Variants in SYT1 observed in about 807,000 individuals in gnomAD.
SYT1 encodes the protein synaptotagmin 1.
A neutral mutation model predicts 44.8 loss-of-function variants in SYT1; 8 were observed. The observed-to-expected ratio is 0.18, with a 90% CI of 0.10 to 0.32. SYT1 has a LOEUF of 0.32. SYT1 is among the 10% of genes least tolerant of loss of function. The pLI, the probability that SYT1 is intolerant of heterozygous loss-of-function variation, is 1.00. For missense variants in SYT1, 286 were observed against 509.3 expected, an observed-to-expected ratio of 0.56 and a Z score of 4.22; for synonymous variants, 154 against 188.8, an observed-to-expected ratio of 0.82 and a Z score of 1.51.
At chr12:79,116,227 T>C (rs1047041929) in intron 3 of SYT1, among the ~76,000 whole-genome samples, 2 of 152,334 alleles carry the variant, frequency 1.3e-5, no homozygotes, top group African/African-American at 4.8e-5. Context: ...TTGTAGTTAC[T>C]ATGGCTGATA....
intron 1 of SYT1, among the ~76,000 whole-genome samples, chr12:78,923,701 C>CTCTG (rs1401881156): frequency 7.1e-6 from 1 of 141,206 alleles, no homozygotes; most frequent in African/African-American, 2.6e-5. Flanking sequence ...TTCTCTCTCT[C>CTCTG]TCTCTCTCTG....
intron 1 of SYT1, among the ~76,000 whole-genome samples, chr12:78,921,171 A>AT (rs968450883): frequency 2.0e-5 from 3 of 152,066 alleles, no homozygotes; most frequent in Middle Eastern, 6.8e-3. Context: ...TACCACTTTA[A>AT]TTTTTTTAAT....
chr12:78,879,420 C>T (rs1211443936), intron 1 of SYT1, among the ~76,000 whole-genome samples: 2 of 151,758 alleles, frequency 1.3e-5, no homozygotes, highest in Non-Finnish European at 2.9e-5. Flanking sequence ...AGTGCAACCA[C>T]CTACATGGCA....
intron 3 of SYT1, among the ~76,000 whole-genome samples, chr12:79,124,669 A>T (rs761963775): frequency 2.0e-5 from 3 of 151,960 alleles, no homozygotes; most frequent in Non-Finnish European, 4.4e-5. Context: ...ACATTCTTAG[A>T]TTCTTTGGGA....
intron 4 of SYT1, among the ~76,000 whole-genome samples, chr12:79,250,802 T>C (rs1183764173): frequency 2.0e-5 from 3 of 152,194 alleles, no homozygotes; most frequent in African/African-American, 7.2e-5. Context: ...TCCACAAAGC[T>C]GGACACCAAA....
At chr12:79,317,535 AG>A (rs1225095360) in intron 8 of SYT1, among the ~76,000 whole-genome samples, 1 of 152,152 alleles carries the variant, frequency 6.6e-6, no homozygotes, top group Non-Finnish European at 1.5e-5. Context: ...GGCTTGAAAA[AG>A]AGCAGGACAT....
At chr12:79,259,114 T>C (rs1645814912) in intron 4 of SYT1, among the ~76,000 whole-genome samples, 1 of 152,182 alleles carries the variant, frequency 6.6e-6, no homozygotes, top group South Asian at 2.1e-4. Context: ...AACTAGGAAA[T>C]GTTTAGCATA....
intron 2 of SYT1, among the ~76,000 whole-genome samples, chr12:79,012,276 G>A (rs1460260110): frequency 6.6e-6 from 1 of 152,128 alleles, no homozygotes; most frequent in Non-Finnish European, 1.5e-5. Flanking sequence ...GCTGGTTGAG[G>A]AGTAGACAGA....
chr12:79,083,675 A>G (rs1877188868), intron 3 of SYT1, among the ~76,000 whole-genome samples: 1 of 152,208 alleles, frequency 6.6e-6, no homozygotes, highest in African/African-American at 2.4e-5. Flanking sequence ...AGCATTACAT[A>G]TATTGTTTAT....
At chr12:79,383,922 G>C (rs17005530) in intron 9 of SYT1, among the ~76,000 whole-genome samples, 4,808 of 152,178 alleles carry the variant, frequency 0.032, 255 homozygotes, top group African/African-American at 0.11. Context: ...CATATAACCT[G>C]TCCTTGATCA....
intron 8 of SYT1, among the ~76,000 whole-genome samples, chr12:79,307,365 A>AATTAATTTTATTTATTC (rs1880446568): frequency 6.6e-6 from 1 of 152,178 alleles, no homozygotes; most frequent in Non-Finnish European, 1.5e-5. Flanking sequence ...AAATACTGTA[A>AATTAATTTTATTTATTC]ATTAATTTTA....
intron 3 of SYT1, among the ~76,000 whole-genome samples, chr12:79,048,547 C>G (rs1874241178): frequency 6.6e-6 from 1 of 151,878 alleles, no homozygotes; most frequent in South Asian, 2.1e-4. Flanking sequence ...ACACAAAGCA[C>G]TCTGCCACTT....
At chr12:78,918,874 A>G (rs531279797) in intron 1 of SYT1, among the ~76,000 whole-genome samples, 10 of 152,248 alleles carry the variant, frequency 6.6e-5, no homozygotes, top group African/African-American at 2.4e-4. Flanking sequence ...AGAAATGTTT[A>G]TGACATACTA....
At chr12:78,899,272 C>T (rs1031610159) in intron 1 of SYT1, among the ~76,000 whole-genome samples, 9 of 150,866 alleles carry the variant, frequency 6.0e-5, no homozygotes, top group Admixed American at 4.6e-4. Flanking sequence ...TGTACTAGAA[C>T]AGTGCCTGAC....
rs559163822 is a variant in SYT1, at chr12:78,980,713, A to G, written c.-84+2782A>G. Among the ~76,000 whole-genome samples, 73 of 152,354 alleles carry G rather than the reference A, an allele frequency of 4.8e-4. 1 individual carries two copies. Among genetic ancestry groups the G allele is most frequent in the Middle Eastern group, 3.4e-3 (1 of 294 alleles). The stretch of plus-strand genomic sequence containing the variant: ...TATAAAACTAGAAATTGAAGGGAAG[A>G]ATCATTGAAAACAATACTATATGAT... On this transcript the variant is annotated intron_variant, in intron 2 of 10. Transcript: ENST00000261205.
At chr12:79,251,874 A>G (rs1186374085) in intron 4 of SYT1, among the ~76,000 whole-genome samples, 1 of 152,182 alleles carries the variant, frequency 6.6e-6, no homozygotes, top group African/African-American at 2.4e-5. Flanking sequence ...GCTGACTTCA[A>G]CTAAGTGTAT....
chr12:79,125,195 A>G (rs1329626074), intron 3 of SYT1, among the ~76,000 whole-genome samples: 3 of 152,218 alleles, frequency 2.0e-5, no homozygotes, highest in Non-Finnish European at 4.4e-5. Flanking sequence ...AGAATCCTCA[A>G]AAGAATGGGT....
chr12:78,935,373 G>A (rs1399836035), intron 1 of SYT1, among the ~76,000 whole-genome samples: 1 of 152,118 alleles, frequency 6.6e-6, no homozygotes, highest in Non-Finnish European at 1.5e-5. Flanking sequence ...CAGTATGCTA[G>A]GCCCTGTGGC....
At chr12:79,318,376 C>T (rs1335027302) in intron 8 of SYT1, among the ~76,000 whole-genome samples, 1 of 152,190 alleles carries the variant, frequency 6.6e-6, no homozygotes, top group African/African-American at 2.4e-5. Context: ...CCTGGTTTGT[C>T]CTCGAATGGA....
Sources: allele counts gnomAD v4.1 joint callset (sites outside exome capture counted in the v4.1 genomes callset), GRCh38; gene constraint gnomAD v4.1.1; transcripts MANE v1.5; gene names NCBI Gene and HGNC (gene_info 2026-07-23, HGNC 2026-07-21).